Variants in FANCC observed in about 807,000 individuals in gnomAD.
The protein encoded by FANCC is Fanconi anemia group C protein.
Under a neutral mutation model 71.3 loss-of-function variants are expected in FANCC, and 55 were observed. The observed-to-expected ratio is 0.77, with a 90% CI of 0.62 to 0.97. The LOEUF (loss-of-function observed/expected upper bound fraction) is 0.97, where lower values mean the gene tolerates loss of function less well. Among genes scored for constraint, FANCC ranks in the 50% least tolerant of loss-of-function variants. The pLI is 0.00. For synonymous variants in FANCC, 275 were observed against 244.9 expected (o/e 1.12, Z -1.15); for missense variants, 678 against 670.9 (o/e 1.01, Z -0.12).
chr9:95,219,093 C>A (rs1242435811), intron 4 of FANCC, among the ~76,000 whole-genome samples: 1 of 152,182 alleles, frequency 6.6e-6, no homozygotes, highest in Non-Finnish European at 1.5e-5. Flanking sequence ...CATTGCCTGA[C>A]TCAGAGTTCG....
At chr9:95,208,557 CT>C (rs1159368148) in intron 4 of FANCC, among the ~76,000 whole-genome samples, 20 of 152,092 alleles carry the variant, frequency 1.3e-4, no homozygotes, top group African/African-American at 4.8e-4. Flanking sequence ...TAGAAGAAAA[CT>C]ACTTGATTAA....
chr9:95,115,602 T>C (rs2072336239), intron 11 of FANCC, among the ~76,000 whole-genome samples: 1 of 152,222 alleles, frequency 6.6e-6, no homozygotes, highest in Non-Finnish European at 1.5e-5. Context: ...TAAATACAGC[T>C]GAGCAGCACG....
At position 95,243,628 on chromosome 9, in the gene FANCC, C is replaced by CA. The variant is rs61648861; in HGVS notation, c.251-2886dup. On this transcript the variant is annotated intron_variant, in intron 3 of 14. Coordinates refer to ENST00000289081, the MANE Select transcript of FANCC (RefSeq NM_000136.3). ...TGAAACCCCATCTCTACTAAAAATA[C>CA]AAAAAAAAAAAACAGATTAGCTGGG... is the stretch of plus-strand genomic sequence containing the variant. Among the ~76,000 whole-genome samples the CA allele has an allele frequency of 9.9e-3, 1,347 of 136,034 alleles. 10 individuals are homozygous for CA. Among genetic ancestry groups the CA allele is most frequent in the African/African-American group, 0.021 (783 of 37,728 alleles). 89.2% of individuals were successfully genotyped at this position (136,034 alleles called of 152,430 possible).
At chr9:95,136,650 C>T (rs1420385008) in intron 7 of FANCC, among the ~76,000 whole-genome samples, 1 of 152,164 alleles carries the variant, frequency 6.6e-6, no homozygotes, top group African/African-American at 2.4e-5. Flanking sequence ...CCACATCTGG[C>T]TATTTTTTTT....
intron 1 of FANCC, among the ~76,000 whole-genome samples, chr9:95,279,785 T>C (rs554602781): frequency 4.0e-5 from 6 of 151,794 alleles, no homozygotes; most frequent in East Asian, 3.9e-4. Flanking sequence ...CTGTCTTTAC[T>C]AAAAATACAA....
At chr9:95,149,877 G>A (rs1327986729) in intron 7 of FANCC, 46 bp downstream of exon 7, 4 of 1,557,098 alleles carry the variant, frequency 2.6e-6, no homozygotes, top group Admixed American at 3.9e-5. Context: ...AGCCTTCTAA[G>A]AAAAGGAAAA....
intron 6 of FANCC, among the ~76,000 whole-genome samples, chr9:95,165,217 A>G (rs531544190): frequency 1.5e-4 from 23 of 150,066 alleles, no homozygotes; most frequent in Non-Finnish European, 1.9e-4. Context: ...CAAAAACCCA[A>G]CTCTTAGTTT....
intron 4 of FANCC, among the ~76,000 whole-genome samples, chr9:95,239,276 G>A (rs1830499763): frequency 6.6e-6 from 1 of 152,090 alleles, no homozygotes; most frequent in African/African-American, 2.4e-5. Context: ...ACCAGTCTGG[G>A]AATTCCCCGA....
At chr9:95,188,778 C>A (rs1010266532) in intron 4 of FANCC, among the ~76,000 whole-genome samples, 4 of 152,176 alleles carry the variant, frequency 2.6e-5, no homozygotes, top group African/African-American at 9.7e-5. Context: ...CGAACCCTGC[C>A]ATTTATAATC....
At chr9:95,177,321 C>T (rs995041847) in intron 4 of FANCC, among the ~76,000 whole-genome samples, 4 of 152,110 alleles carry the variant, frequency 2.6e-5, no homozygotes, top group Admixed American at 2.6e-4. Context: ...AAATGGTACA[C>T]CTGTATAGGA....
chr9:95,279,793 C>T (rs964950304), intron 1 of FANCC, among the ~76,000 whole-genome samples: 1 of 151,636 alleles, frequency 6.6e-6, no homozygotes, highest in Admixed American at 6.6e-5. Flanking sequence ...ACTAAAAATA[C>T]AAAAATTAGC....
chr9:95,313,893 T>C (rs1171842921), intron 1 of FANCC, among the ~76,000 whole-genome samples: 2 of 152,216 alleles, frequency 1.3e-5, no homozygotes, highest in Non-Finnish European at 1.5e-5. Context: ...CATTTGTTCA[T>C]AAGAATTCTC....
chr9:95,209,884 A>G (rs1195269510), intron 4 of FANCC, among the ~76,000 whole-genome samples: 2 of 152,156 alleles, frequency 1.3e-5, no homozygotes, highest in Non-Finnish European at 2.9e-5. Flanking sequence ...GTAACCTGAA[A>G]TATCTGCATC....
intron 1 of FANCC, among the ~76,000 whole-genome samples, chr9:95,267,017 A>T (rs1240879277): frequency 6.6e-6 from 1 of 152,202 alleles, no homozygotes; most frequent in Non-Finnish European, 1.5e-5. Flanking sequence ...ACACACACAA[A>T]ATAAACATTT....
At chr9:95,309,875 T>C (rs1418356462) in intron 1 of FANCC, among the ~76,000 whole-genome samples, 3 of 152,202 alleles carry the variant, frequency 2.0e-5, no homozygotes, top group Non-Finnish European at 4.4e-5. Context: ...GAATCACCAT[T>C]GCAAAAAGAA....
At chr9:95,274,546 T>C (rs1832928729) in intron 1 of FANCC, among the ~76,000 whole-genome samples, 1 of 152,188 alleles carries the variant, frequency 6.6e-6, no homozygotes, top group Non-Finnish European at 1.5e-5. Flanking sequence ...TACCCAGTAA[T>C]GGGATTGCTG....
At chr9:95,247,860 T>G (rs1282059085) in intron 2 of FANCC, among the ~76,000 whole-genome samples, 2 of 152,228 alleles carry the variant, frequency 1.3e-5, no homozygotes, top group African/African-American at 4.8e-5. Flanking sequence ...AACACATTAT[T>G]GGTGATTAAT....
At chr9:95,294,324 G>A in intron 1 of FANCC, 2 of 1,588,198 alleles carry the variant, frequency 1.3e-6, no homozygotes, top group Non-Finnish European at 1.7e-6. Flanking sequence ...TGAACACTGA[G>A]CCAGTCTTGG....
chr9:95,299,056 T>G (rs973162617), intron 1 of FANCC, among the ~76,000 whole-genome samples: 76 of 152,376 alleles, frequency 5.0e-4, no homozygotes, highest in African/African-American at 1.8e-3. Flanking sequence ...GTTTTTCTAT[T>G]TAAGTGTTGA....
Sources: allele counts gnomAD v4.1 joint callset (sites outside exome capture counted in the v4.1 genomes callset), GRCh38; gene constraint gnomAD v4.1.1; transcripts MANE v1.5; gene names NCBI Gene and HGNC (gene_info 2026-07-23, HGNC 2026-07-21).